C11orf58: variants seen among roughly 807,000 people sequenced by gnomAD.
C11orf58 encodes chromosome 11 open reading frame 58, also known as small acidic protein.
C11orf58 carries 5 observed loss-of-function variants against 22.7 expected under a neutral mutation model. The ratio of observed to expected loss-of-function variants is 0.22; its 90% CI spans 0.12 to 0.46. C11orf58 has a LOEUF of 0.46. C11orf58 is among the 20% of genes least tolerant of loss of function. The pLI is 0.99. For missense variants in C11orf58, 151 were observed against 223.3 expected (o/e 0.68, Z 2.06); for synonymous variants, 71 against 70.7 (o/e 1.00, Z -0.02).
intron 1 of C11orf58, among the ~76,000 whole-genome samples, chr11:16,741,565 T>C (rs929722524): frequency 3.3e-5 from 5 of 152,228 alleles, no homozygotes; most frequent in African/African-American, 9.6e-5. Context: ...GGCAGGGCTC[T>C]CCAACCCCTG....
Position 16,758,174 on chromosome 11 carries a change from C to A in C11orf58, c.*3070C>A, listed in dbSNP as rs1590077938. On this transcript the variant is annotated 3_prime_UTR_variant, in exon 5 of 5. Transcript: ENST00000228136. Reference sequence around the variant, plus strand: ...CTGTTTCCACCTCTGTAAGTCCTATCTAGGCTTCCTGATCTATCAATTCAG... The same window carrying A: ...CTGTTTCCACCTCTGTAAGTCCTATATAGGCTTCCTGATCTATCAATTCAG... Among the ~76,000 whole-genome samples, 1 of 152,070 alleles carries A rather than the reference C, an allele frequency of 6.6e-6. No individual in the cohort carries two copies. The highest frequency in any genetic ancestry group is 2.1e-4 in the South Asian group (1 of 4,828).
chr11:16,751,414 A>T (rs1848531894), intron 3 of C11orf58: 1 of 151,948 alleles, frequency 6.6e-6, no homozygotes. Context: ...AGGCACGAGA[A>T]TCACTTGAGC....
At chr11:16,741,340 G>A (rs983345583) in intron 1 of C11orf58, among the ~76,000 whole-genome samples, 5 of 152,196 alleles carry the variant, frequency 3.3e-5, no homozygotes, top group South Asian at 2.1e-4. Context: ...GAGGTAAATT[G>A]ATTGCAGTTC....
chr11:16,742,078 G>A (rs1209017855), intron 1 of C11orf58, among the ~76,000 whole-genome samples: 1 of 152,168 alleles, frequency 6.6e-6, no homozygotes, highest in Non-Finnish European at 1.5e-5. Flanking sequence ...GAACTGGCAG[G>A]ACTTAATGTT....
chr11:16,743,046 A>G (rs560578921), intron 1 of C11orf58, among the ~76,000 whole-genome samples: 1 of 152,370 alleles, frequency 6.6e-6, no homozygotes, highest in Admixed American at 6.5e-5. Context: ...CATCATCAAA[A>G]TACAATACTT....
intron 2 of C11orf58, chr11:16,746,835 TAG>T (rs1446035524): frequency 6.6e-6 from 1 of 152,120 alleles, no homozygotes; most frequent in Non-Finnish European, 1.5e-5. Flanking sequence ...GTATTTTTAG[TAG>T]AGTCAGGGCT....
chr11:16,747,498 CAT>C (rs1403324195), intron 2 of C11orf58: 3 of 152,114 alleles, frequency 2.0e-5, no homozygotes, highest in East Asian at 1.9e-4. Flanking sequence ...AATATTGAAT[CAT>C]ATGTATTTTT....
rs1848440569 is a variant in C11orf58, at chr11:16,740,733, A to G, written c.63+1892A>G. Among the ~76,000 whole-genome samples the G allele has an allele frequency of 2.6e-5, 4 of 151,946 alleles. No homozygotes were observed. The South Asian group carries it at 6.3e-4, about 24-fold the overall frequency. On this transcript the variant is annotated intron_variant, in intron 1 of 4. Transcript: ENST00000228136. ...CACCTCGCCCAGCCAGTACTTAAAAAAAAAATTTTTTTAACCATAAGTAAT... is the reference window on the plus strand; with the variant it reads ...CACCTCGCCCAGCCAGTACTTAAAAGAAAAATTTTTTTAACCATAAGTAAT...
At chr11:16,740,560 A>G (rs1423970033) in intron 1 of C11orf58, among the ~76,000 whole-genome samples, 2 of 151,884 alleles carry the variant, frequency 1.3e-5, no homozygotes, top group African/African-American at 2.4e-5. Context: ...AGCTCGGACT[A>G]CAGGTGTGCA....
chr11:16,745,167 G>A (rs1046105836), intron 2 of C11orf58, among the ~76,000 whole-genome samples: 2 of 152,162 alleles, frequency 1.3e-5, no homozygotes, highest in African/African-American at 4.8e-5. Context: ...TTTGTTACTA[G>A]ATAGAGAAGT....
chr11:16,753,008 T>C lies in C11orf58; in HGVS notation c.318+114T>C, dbSNP rs1214887359. On this transcript the variant is annotated intron_variant, in intron 4 of 4. Coordinates refer to ENST00000228136, the MANE Select transcript of C11orf58 (RefSeq NM_014267.6). ...TCCCATGTAGAAAGCTTTCTGTATG[T>C]AGTTATCTTAAAAATAATTTTGTAT... 3 of 706,680 alleles carry C rather than the reference T, an allele frequency of 4.2e-6. No homozygotes were observed. In the African/African-American group the frequency reaches 5.5e-5, roughly 13 times the overall value. 43.8% of individuals were successfully genotyped at this position (706,680 alleles called of 1,614,324 possible).
intron 4 of C11orf58, chr11:16,753,949 C>A: frequency 1.8e-6 from 1 of 559,000 alleles, no homozygotes; most frequent in Non-Finnish European, 3.3e-6. Context: ...ATCTTTCCGC[C>A]TTCCAAAGTG....
chr11:16,745,614 A>G (rs1340281546), intron 2 of C11orf58, among the ~76,000 whole-genome samples: 3 of 152,192 alleles, frequency 2.0e-5, no homozygotes, highest in Non-Finnish European at 4.4e-5. Context: ...GGATTGTCTT[A>G]CTGTCTGGGA....
At chr11:16,748,034 T>G in intron 2 of C11orf58, 63 bp from the exon 3 acceptor site, 2 of 1,258,664 alleles carry the variant, frequency 1.6e-6, no homozygotes, top group East Asian at 4.7e-5. Flanking sequence ...CAGCACATAG[T>G]AGATACCCAA....
Position 16,738,679 on chromosome 11 carries a change from G to T in C11orf58, c.-100G>T. Reference sequence around the variant, plus strand: ...GCCCGGAGGGGCTCTGCGTTCTGTAGTGGCGCTGCTTGGGCCCTTGGCGGA... The same window carrying T: ...GCCCGGAGGGGCTCTGCGTTCTGTATTGGCGCTGCTTGGGCCCTTGGCGGA... On this transcript the variant is annotated 5_prime_UTR_variant, in exon 1 of 5. Transcript: ENST00000228136. 1 of 1,347,346 alleles carries T rather than the reference G, an allele frequency of 7.4e-7. No individual in the cohort carries two copies. The highest frequency in any genetic ancestry group is 1.1e-6 in the Non-Finnish European group (1 of 941,044). 83.5% of individuals were successfully genotyped at this position (1,347,346 alleles called of 1,614,324 possible).
intron 4 of C11orf58, chr11:16,753,752 T>C: frequency 2.5e-6 from 1 of 397,682 alleles, no homozygotes; most frequent in Non-Finnish European, 4.4e-6. Context: ...TTCCCCCTTT[T>C]TTGAGACAGG....
intron 3 of C11orf58, 45 bp downstream of exon 3, chr11:16,748,202 A>C (rs770145099): frequency 7.0e-7 from 1 of 1,435,910 alleles, no homozygotes; most frequent in African/African-American, 1.4e-5. Flanking sequence ...TAAATTCAGA[A>C]TATGAAGTAT....
chr11:16,754,459 T>C (rs1377467447), intron 4 of C11orf58, among the ~76,000 whole-genome samples: 1 of 148,722 alleles, frequency 6.7e-6, no homozygotes, highest in Non-Finnish European at 1.5e-5. Context: ...GCCTCCCGAG[T>C]AGCTAGAACT....
At chr11:16,749,304 G>GCA (rs1216246574) in intron 3 of C11orf58, 2 of 152,192 alleles carry the variant, frequency 1.3e-5, no homozygotes, top group Non-Finnish European at 2.9e-5. Context: ...AGCATATGTA[G>GCA]CACATTTTAG....
Sources: allele counts gnomAD v4.1 joint callset (sites outside exome capture counted in the v4.1 genomes callset), GRCh38; gene constraint gnomAD v4.1.1; transcripts MANE v1.5; gene names NCBI Gene and HGNC (gene_info 2026-07-23, HGNC 2026-07-21).